SNTB2: variants seen among roughly 807,000 people sequenced by gnomAD.
SNTB2 encodes beta-2-syntrophin.
Under a neutral mutation model 46.2 loss-of-function variants are expected in SNTB2, and 34 were observed. That is an observed-to-expected ratio of 0.74 (90% CI 0.56 to 0.98). The LOEUF is 0.98. Ranked by LOEUF, SNTB2 falls within the 50% of genes least tolerant of loss-of-function variation. SNTB2 has a pLI of 0.00. For synonymous variants in SNTB2, 290 were observed against 312.6 expected (o/e 0.93, Z 0.76); for missense variants, 603 against 731.4 (o/e 0.82, Z 2.02).
Position 69,301,092 on chromosome 16 carries a change from A to T in SNTB2, c.*168A>T. 1 of 573,458 alleles carries T rather than the reference A, an allele frequency of 1.7e-6. No individual in the cohort carries two copies. The highest frequency in any genetic ancestry group is 2.2e-5 in the South Asian group (1 of 46,072). 35.5% of individuals were successfully genotyped at this position (573,458 alleles called of 1,614,324 possible). On this transcript the variant is annotated 3_prime_UTR_variant, in exon 7 of 7. Transcript: ENST00000336278. ...GTGTTTAAAGAAGAGCCTACCTTTC[A>T]CAGTCTACCTTGGCCAGATATTCTA...
At chr16:69,254,930 G>T (rs537928000) in intron 2 of SNTB2, among the ~76,000 whole-genome samples, 1 of 152,104 alleles carries the variant, frequency 6.6e-6, no homozygotes, top group East Asian at 1.9e-4. Flanking sequence ...GGCTGCAATG[G>T]GCTCTTAGGA....
At chr16:69,251,124 T>G (rs112637088) in intron 2 of SNTB2, among the ~76,000 whole-genome samples, 21,148 of 149,076 alleles carry the variant, frequency 0.14, 1,621 homozygotes, top group Middle Eastern at 0.23. Context: ...GACTACAGGC[T>G]CCCGCCACTA....
chr16:69,294,892 C>T (rs1965207964), intron 5 of SNTB2, among the ~76,000 whole-genome samples: 1 of 151,556 alleles, frequency 6.6e-6, no homozygotes, highest in African/African-American at 2.4e-5. Flanking sequence ...AATCTCAGCT[C>T]ACTGCAACTT....
At chr16:69,242,609 A>G (rs1964628833) in intron 1 of SNTB2, among the ~76,000 whole-genome samples, 1 of 152,218 alleles carries the variant, frequency 6.6e-6, no homozygotes, top group Non-Finnish European at 1.5e-5. Context: ...AGTTCCTTCC[A>G]GACATCTTTA....
At chr16:69,292,391 TATATA>T (rs1965174448) in intron 5 of SNTB2, among the ~76,000 whole-genome samples, 1 of 10,048 alleles carries the variant, frequency 1.0e-4, no homozygotes, top group Non-Finnish European at 1.3e-4. Flanking sequence ...ATATATATAT[TATATA>T]TATATATATA....
At chr16:69,210,810 T>A (rs1352491607) in intron 1 of SNTB2, among the ~76,000 whole-genome samples, 4 of 151,954 alleles carry the variant, frequency 2.6e-5, no homozygotes, top group Non-Finnish European at 4.4e-5. Context: ...ATGGCCAATA[T>A]GGGGAAACCT....
intron 5 of SNTB2, among the ~76,000 whole-genome samples, chr16:69,289,958 GTC>G (rs1390235299): frequency 6.6e-6 from 1 of 152,150 alleles, no homozygotes; most frequent in African/African-American, 2.4e-5. Context: ...ATTCAGAACT[GTC>G]TGTTAAAACT....
chr16:69,269,093 C>G (rs748192175), intron 3 of SNTB2, among the ~76,000 whole-genome samples: 1 of 150,670 alleles, frequency 6.6e-6, no homozygotes, highest in Admixed American at 6.6e-5. Flanking sequence ...CACTTGAACC[C>G]GGGAGGCTGA....
chr16:69,251,563 G>C (rs2033378500), intron 2 of SNTB2, among the ~76,000 whole-genome samples: 1 of 151,152 alleles, frequency 6.6e-6, no homozygotes. Context: ...CAGATCACCT[G>C]AGGTCAGGAG....
At chr16:69,263,704 C>T (rs1235582959) in intron 3 of SNTB2, among the ~76,000 whole-genome samples, 2 of 152,090 alleles carry the variant, frequency 1.3e-5, no homozygotes, top group African/African-American at 4.8e-5. Context: ...AGGAGTGAGC[C>T]ACCGCACCCT....
intron 1 of SNTB2, 50 bp downstream of exon 1, chr16:69,187,796 G>C: frequency 6.0e-6 from 8 of 1,332,860 alleles, no homozygotes; most frequent in African/African-American, 1.6e-5. Flanking sequence ...GCCTGGGCTC[G>C]CGGGAGCTCA....
At chr16:69,243,237 C>T (rs1964635634) in intron 1 of SNTB2, among the ~76,000 whole-genome samples, 1 of 152,084 alleles carries the variant, frequency 6.6e-6, no homozygotes, top group African/African-American at 2.4e-5. Flanking sequence ...TCTGCTTATC[C>T]AGCCACGTGT....
intron 2 of SNTB2, among the ~76,000 whole-genome samples, chr16:69,259,470 G>A (rs1325035788): frequency 6.6e-6 from 1 of 151,704 alleles, no homozygotes; most frequent in Non-Finnish European, 1.5e-5. Flanking sequence ...CCTGACCTCA[G>A]GCAATCTGCC....
intron 1 of SNTB2, among the ~76,000 whole-genome samples, chr16:69,213,644 C>T (rs1353800648): frequency 2.0e-5 from 3 of 151,100 alleles, no homozygotes; most frequent in Admixed American, 6.6e-5. Context: ...GGAGTACAGG[C>T]GCGTGCCACC....
chr16:69,294,451 T>G (rs1965203748), intron 5 of SNTB2, among the ~76,000 whole-genome samples: 1 of 151,974 alleles, frequency 6.6e-6, no homozygotes, highest in Non-Finnish European at 1.5e-5. Context: ...AGGCTGGGCA[T>G]GGTGGCTAAT....
At chr16:69,192,146 C>T (rs1363299806) in intron 1 of SNTB2, among the ~76,000 whole-genome samples, 1 of 152,050 alleles carries the variant, frequency 6.6e-6, no homozygotes, top group Non-Finnish European at 1.5e-5. Flanking sequence ...GAGGAAAGAC[C>T]GAAGGTGGGA....
Position 69,187,661 on chromosome 16 carries a change from G to C in SNTB2, c.495G>C (p.Ser165=), listed in dbSNP as rs1964006634. The change falls in exon 1 of 7, where the codon TCG becomes TCC. Residue 165 remains serine (S), a synonymous_variant. Transcript: ENST00000336278. ...TGCGGCTGGGCGACGCCATCCTGTC[G>C]GTGAACGGCACCGACCTGCGCCAGG... is the stretch of plus-strand genomic sequence containing the variant. The part of the protein sequence containing the change: ...RALRLGDAIL[S]VNGTDLRQAT... 2 of 1,544,624 alleles carry C rather than the reference G, an allele frequency of 1.3e-6. No individual in the cohort carries two copies. The highest frequency in any genetic ancestry group is 4.0e-5 in the Admixed American group (2 of 50,434).
At chr16:69,204,437 G>T (rs1964194951) in intron 1 of SNTB2, among the ~76,000 whole-genome samples, 1 of 152,156 alleles carries the variant, frequency 6.6e-6, no homozygotes, top group East Asian at 1.9e-4. Context: ...AGAAAAACAT[G>T]TTGAGACAGT....
chr16:69,273,101 C>T (rs996097582), intron 4 of SNTB2, among the ~76,000 whole-genome samples: 3 of 152,074 alleles, frequency 2.0e-5, no homozygotes, highest in Non-Finnish European at 2.9e-5. Context: ...TGAACAACGA[C>T]GTGGAGAAAA....
Sources: gnomAD v4.1 joint callset for allele counts (sites outside exome capture counted in the v4.1 genomes callset) on GRCh38, gnomAD v4.1.1 for gene constraint, MANE v1.5 for transcripts, NCBI Gene and HGNC (gene_info 2026-07-23, HGNC 2026-07-21) for gene names.